Variants in NOTCH2NLA observed in about 807,000 individuals in gnomAD.
The protein encoded by NOTCH2NLA is notch 2 N-terminal like A, also known as notch homolog 2 N-terminal-like protein A.
intron 1 of NOTCH2NLA, among the ~76,000 whole-genome samples, chr1:146,219,315 TAC>T (rs1166496411): frequency 2.2e-5 from 1 of 45,470 alleles, no homozygotes; most frequent in Admixed American, 2.8e-4. Flanking sequence ...TGATTTACGA[TAC>T]AGTCAGATAA....
At chr1:146,188,335 CTAT>C (rs1337186717) in intron 2 of NOTCH2NLA, among the ~76,000 whole-genome samples, 1 of 121,006 alleles carries the variant, frequency 8.3e-6, no homozygotes, top group Non-Finnish European at 1.9e-5. Flanking sequence ...CATAGAAAAG[CTAT>C]TATGAAATTA....
chr1:146,174,697 C>T lies in NOTCH2NLA; in HGVS notation c.39-9687G>A, dbSNP rs1393962761. Among the ~76,000 whole-genome samples, 4 of 144,280 alleles carry T rather than the reference C, an allele frequency of 2.8e-5. 1 individual carries two copies. The highest frequency in any genetic ancestry group is 9.7e-5 in the African/African-American group (4 of 41,080). The allele number at this position is 144,280 out of a possible 152,430, so 94.7% of individuals were successfully genotyped here. A position where few individuals can be genotyped will look rare whatever the true frequency, so the allele number is the denominator to read the frequency against. ...CTTTAAACAGAACTCTGCTTTCAAC[C>T]CACTTTCTTCTTGCACTGGGCCTCT... On this transcript the variant is annotated intron_variant, in intron 2 of 4. Transcript: ENST00000362074.
chr1:146,195,048 C>CA (rs1663110631), intron 1 of NOTCH2NLA, among the ~76,000 whole-genome samples: 1 of 109,840 alleles, frequency 9.1e-6, no homozygotes, highest in African/African-American at 4.1e-5. Context: ...GGGCCACCCC[C>CA]CCCCATCCTT....
rs1299369178 is a variant in NOTCH2NLA at position 146,180,096 on chromosome 1, G to C, written c.38+9204C>G. 2.1e-5 allele frequency among the ~76,000 whole-genome samples: 3 copies of C among 142,712 alleles called. 1 individual carries two copies. The highest frequency in any genetic ancestry group is 4.8e-5 in the Non-Finnish European group (3 of 62,252). 93.6% of individuals were successfully genotyped at this position (142,712 alleles called of 152,430 possible). A position where few individuals can be genotyped will look rare whatever the true frequency, so the allele number is the denominator to read the frequency against. On this transcript the variant is annotated intron_variant, in intron 2 of 4. Transcript: ENST00000362074. ...ATTAAACTTTTGTTTGAAAAGTGAGGATTCTATAGCGCTTCAGAGTCCATC... is the reference window on the plus strand; with the variant it reads ...ATTAAACTTTTGTTTGAAAAGTGAGCATTCTATAGCGCTTCAGAGTCCATC...
At chr1:146,183,313 C>CG (rs2102319246) in intron 2 of NOTCH2NLA, among the ~76,000 whole-genome samples, 1 of 139,378 alleles carries the variant, frequency 7.2e-6, no homozygotes, top group African/African-American at 2.5e-5. Flanking sequence ...TTAACTGCAA[C>CG]TACTACCACA....
chr1:146,175,641 GCAGGGCAGCT>G (rs1352740326), intron 2 of NOTCH2NLA, among the ~76,000 whole-genome samples: 2 of 141,574 alleles, frequency 1.4e-5, no homozygotes, highest in African/African-American at 4.9e-5. Context: ...ACCAAATACT[GCAGGGCAGCT>G]CATTTTTCTA....
At chr1:146,157,871 TG>T (rs1661240977) in intron 3 of NOTCH2NLA, among the ~76,000 whole-genome samples, 1 of 114,848 alleles carries the variant, frequency 8.7e-6, no homozygotes, top group East Asian at 2.4e-4. Flanking sequence ...GAAGGACCTC[TG>T]GGTCCCTATA....
downstream of NOTCH2NLA, chr1:146,154,116 T>C (rs1472828760): frequency 2.4e-5 from 3 of 125,882 alleles, no homozygotes; most frequent in Non-Finnish European, 5.0e-5. Context: ...GGTTTTCTTA[T>C]AACATGAACA....
intron 1 of NOTCH2NLA, among the ~76,000 whole-genome samples, chr1:146,221,731 GA>G (rs1310888787): frequency 0.013 from 149 of 11,626 alleles, no homozygotes; most frequent in African/African-American, 0.028. Context: ...AACACAGAAA[GA>G]GGAAAATGGC....
intron 2 of NOTCH2NLA, among the ~76,000 whole-genome samples, chr1:146,172,874 C>T (rs1662062549): frequency 6.9e-6 from 1 of 144,826 alleles, no homozygotes; most frequent in African/African-American, 2.4e-5. Context: ...TACATAAACC[C>T]CACTAAGCAG....
At chr1:146,194,638 A>G (rs1663088710) in intron 1 of NOTCH2NLA, among the ~76,000 whole-genome samples, 1 of 43,782 alleles carries the variant, frequency 2.3e-5, no homozygotes, top group African/African-American at 1.3e-4. Flanking sequence ...GTCAGTTCTT[A>G]CTTAGTTCTC....
At chr1:146,157,694 T>C (rs1391904617) in intron 3 of NOTCH2NLA, among the ~76,000 whole-genome samples, 1 of 96,992 alleles carries the variant, frequency 1.0e-5, no homozygotes, top group East Asian at 2.6e-4. Context: ...ATGGATAAAA[T>C]ATATCGATAT....
Position 146,186,862 on chromosome 1 carries a change from A to AT in NOTCH2NLA, c.38+2437dup, listed in dbSNP as rs1275662461. 1.1e-4 allele frequency among the ~76,000 whole-genome samples: 15 copies of AT among 134,802 alleles called. 1 individual carries two copies. Among genetic ancestry groups the AT allele is most frequent in the Non-Finnish European group, 1.5e-4 (9 of 58,130 alleles). 88.4% of individuals were successfully genotyped at this position (134,802 alleles called of 152,430 possible). On this transcript the variant is annotated intron_variant, in intron 2 of 4. Transcript: ENST00000362074. ...CCTGAATGCTATGTGAAATAAATAA[A>AT]TTTTTTTTTAATTTTGCTTTTAAGT...
exon 1 of NOTCH2NLA, chr1:146,229,004 T>G (rs1553820655): frequency 7.3e-7 from 1 of 1,372,552 alleles, no homozygotes; most frequent in Non-Finnish European, 9.5e-7. Context: ...GAAGTTTGGC[T>G]GAAACTTTCT....
chr1:146,195,050 C>G lies in NOTCH2NLA; in HGVS notation c.-44-5669G>C, dbSNP rs1469499101. ...TCTGGTCCTCACAGGGCCACCCCCC[C>G]CCATCCTTGTAACACTCATGACTCT... On this transcript the variant is annotated intron_variant, in intron 1 of 4. Coordinates refer to ENST00000362074, the Ensembl canonical transcript of NOTCH2NLA. Among the ~76,000 whole-genome samples the G allele has an allele frequency of 1.6e-4, 18 of 109,918 alleles. 2 individuals are homozygous for G. The highest frequency in any genetic ancestry group is 2.4e-4 in the Non-Finnish European group (13 of 54,478). 72.1% of individuals were successfully genotyped at this position (109,918 alleles called of 152,430 possible).
intron 2 of NOTCH2NLA, among the ~76,000 whole-genome samples, chr1:146,187,876 A>G (rs1571310275): frequency 7.3e-6 from 1 of 136,642 alleles, no homozygotes; most frequent in East Asian, 2.0e-4. Flanking sequence ...AAACTAAATG[A>G]GCAGCCCATA....
chr1:146,158,400 G>A (rs1372625518), intron 3 of NOTCH2NLA, among the ~76,000 whole-genome samples: 1 of 151,614 alleles, frequency 6.6e-6, no homozygotes, highest in African/African-American at 2.4e-5. Context: ...CCACCTATGA[G>A]TGAGAACATG....
At chr1:146,180,668 C>A (rs1434761882) in intron 2 of NOTCH2NLA, among the ~76,000 whole-genome samples, 1 of 143,230 alleles carries the variant, frequency 7.0e-6, no homozygotes, top group Non-Finnish European at 1.6e-5. Flanking sequence ...ATAACACAGT[C>A]GCATGTGCAC....
chr1:146,180,633 T>C (rs377049244), intron 2 of NOTCH2NLA, among the ~76,000 whole-genome samples: 9 of 143,350 alleles, frequency 6.3e-5, no homozygotes, highest in East Asian at 5.8e-4. Flanking sequence ...AAAACCCAAC[T>C]AAAAGAAATA....
Sources: gnomAD v4.1 joint callset for allele counts (sites outside exome capture counted in the v4.1 genomes callset) on GRCh38, gnomAD v4.1.1 for gene constraint, MANE v1.5 for transcripts, NCBI Gene and HGNC (gene_info 2026-07-23, HGNC 2026-07-21) for gene names.